Variants in POMGNT1 observed in about 807,000 individuals in gnomAD.
POMGNT1 encodes the protein protein O-linked mannose N-acetylglucosaminyltransferase 1 (beta 1,2-).
In POMGNT1, 67 loss-of-function variants were observed where a neutral mutation model predicts 95.6. The observed-to-expected ratio is 0.70, with a 90% CI of 0.58 to 0.86. The LOEUF is 0.86. Ranked by LOEUF, POMGNT1 falls within the 40% of genes least tolerant of loss-of-function variation. The pLI, the probability that POMGNT1 is intolerant of heterozygous loss-of-function variation, is 0.00. For missense variants in POMGNT1, 719 were observed against 855.2 expected (o/e 0.84, Z 1.99); for synonymous variants, 298 against 317.9 (o/e 0.94, Z 0.66).
chr1:46,193,461 A>T (rs562879716), intron 11 of POMGNT1, 73 bp from the exon 12 acceptor site: 84 of 1,607,920 alleles, frequency 5.2e-5, no homozygotes, highest in Non-Finnish European at 3.3e-5. Context: ...CAAGGCCTTC[A>T]CATTTCACAG....
At chr1:46,209,541 T>G (rs1200124306) in intron 1 of POMGNT1, among the ~76,000 whole-genome samples, 3 of 131,798 alleles carry the variant, frequency 2.3e-5, no homozygotes, top group Admixed American at 1.6e-4. Flanking sequence ...TGTTTTCTTT[T>G]TTTTTTTCTT....
chr1:46,198,533 CGGCGGCGGT>C (rs966546165), upstream of POMGNT1: 53 of 150,314 alleles, frequency 3.5e-4, no homozygotes, highest in Middle Eastern at 3.1e-3. Context: ...GCGGCGGCGG[CGGCGGCGGT>C]GGCGGCAGCG....
intron 1 of POMGNT1, among the ~76,000 whole-genome samples, chr1:46,204,238 C>T (rs1658642648): frequency 6.6e-6 from 1 of 152,208 alleles, no homozygotes; most frequent in African/African-American, 2.4e-5. Flanking sequence ...TCCCTCGCCT[C>T]AGACTCAGTC....
At chr1:46,213,888 C>A (rs1301314717) in intron 1 of POMGNT1, among the ~76,000 whole-genome samples, 2 of 152,000 alleles carry the variant, frequency 1.3e-5, no homozygotes, top group Middle Eastern at 3.4e-3. Context: ...GACTTTAGAC[C>A]TCCAATTAAA....
rs376973640 is a variant in POMGNT1, at chr1:46,189,565, G to C, written c.1788C>G (p.Cys596Trp). 1 of 1,610,420 alleles carries C rather than the reference G, an allele frequency of 6.2e-7. No homozygotes were observed. Among genetic ancestry groups the C allele is most frequent in the Non-Finnish European group, 8.5e-7 (1 of 1,178,154 alleles). Residue 596 changes from cysteine to tryptophan, a missense_variant and splice_region_variant, in exon 21 of 22, where the codon TGC (cysteine) becomes TGG (tryptophan). Physicochemically the swap from Cys to Trp is radical, Grantham distance 215 (BLOSUM62 -2). Coordinates refer to ENST00000371984, the MANE Select transcript of POMGNT1 (RefSeq NM_017739.4). ...GCACATCCAGGTCCCAGATATGGAGGCACTAGTGAGGGTGGGATGGAGACA... is the reference window on the plus strand; with the variant it reads ...GCACATCCAGGTCCCAGATATGGAGCCACTAGTGAGGGTGGGATGGAGACA... ...DFTTWTQLAK[C>W]LHIWDLDVRG...
Position 46,194,911 on chromosome 1 carries a change from G to A in POMGNT1, c.585C>T (p.Ser195=), listed in dbSNP as rs756578769. 1.2e-6 allele frequency: 2 copies of A among 1,614,018 alleles called. No homozygotes were observed. The stretch of plus-strand genomic sequence containing the variant: ...GGGCAGGGCCAGCCTGGCTGCCCAG[G>A]CTCCTCAGCAGAGCCTTGGCTGTGT... The part of the protein sequence containing the change: ...LKDTAKALLR[S]LGSQAGPALG... The change falls in exon 7 of 22, where the codon AGC becomes AGT. Residue 195 remains serine (S), a synonymous_variant. Coordinates refer to ENST00000371984, the MANE Select transcript of POMGNT1 (RefSeq NM_017739.4).
At chr1:46,197,978 A>T (rs1658374963) in intron 1 of POMGNT1, 107 bp from the exon 2 acceptor site, 1 of 1,111,822 alleles carries the variant, frequency 9.0e-7, no homozygotes, top group Non-Finnish European at 1.3e-6. Context: ...GCAAGCACCC[A>T]TACTGTGTGA....
chr1:46,198,739 G>C (rs1342287149), upstream of POMGNT1, among the ~76,000 whole-genome samples: 1 of 152,176 alleles, frequency 6.6e-6, no homozygotes, highest in Non-Finnish European at 1.5e-5. Flanking sequence ...GCCAGGGTCA[G>C]AGGGGCTGCA....
upstream of POMGNT1, among the ~76,000 whole-genome samples, chr1:46,202,934 T>TGTGTGG (rs1658590741): frequency 8.7e-6 from 1 of 115,350 alleles, no homozygotes; most frequent in Non-Finnish European, 1.7e-5. Flanking sequence ...TGTGTGTGTG[T>TGTGTGG]GTGTGTGTGT....
rs369925479 is a variant in POMGNT1 at position 46,193,136 on chromosome 1, C to T, written c.1152+38G>A. On this transcript the variant is annotated intron_variant, in intron 13 of 21. Transcript: ENST00000371984. The stretch of plus-strand genomic sequence containing the variant: ...GCCCAGACCTTATGCCCATGTTTCC[C>T]CCCTCCCAGGCCCAAGAGTTGTATC... The T allele has an allele frequency of 4.3e-5, 70 of 1,613,588 alleles. 1 individual carries two copies. The highest frequency in any genetic ancestry group is 5.2e-5 in the Non-Finnish European group (61 of 1,179,820).
Position 46,188,739 on chromosome 1 carries a change from G to A in POMGNT1, c.*531C>T, listed in dbSNP as rs769094628. 12 of 1,609,268 alleles carry A rather than the reference G, an allele frequency of 7.5e-6. No homozygotes were observed. In the African/African-American group the frequency reaches 8.0e-5, roughly 11 times the overall value. On this transcript the variant is annotated 3_prime_UTR_variant, in exon 22 of 22. Transcript: ENST00000371984. ...CCAACTTATCCAGCTTTGGAAATCT[G>A]GACAAAGAGAAGGCTGAGAGGAGGC...
At chr1:46,197,311 G>C (rs770149138) in intron 2 of POMGNT1, 1 of 1,491,180 alleles carries the variant, frequency 6.7e-7, no homozygotes, top group Non-Finnish European at 9.0e-7. Context: ...TCCCTACCCA[G>C]TGCTCCTGTA....
At position 46,196,182 on chromosome 1, in the gene POMGNT1, CTA is replaced by C; in HGVS notation, c.355-107_355-106del. 1.9e-6 allele frequency: 3 copies of C among 1,578,018 alleles called. No homozygotes were observed. The highest frequency in any genetic ancestry group is 2.6e-6 in the Non-Finnish European group (3 of 1,164,934). ...AGCTGCTTGAAACATCACCTCCTGC[CTA>C]TGTTTCTGTTCACACAGTTCTTTTC... On this transcript the variant is annotated intron_variant, in intron 4 of 21. Transcript: ENST00000371984. This position sits in a 1 kb window ranked among gnomAD's most constrained non-coding sequence, Gnocchi z 4.4.
rs367956985 is a variant in POMGNT1 at position 46,205,213 on chromosome 1, G to A, written c.-50-7342C>T. 6.6e-5 allele frequency among the ~76,000 whole-genome samples: 10 copies of A among 152,096 alleles called. No homozygotes were observed. The East Asian group carries it at 1.7e-3, about 26-fold the overall frequency. ...GAGGAGGTTGCAGTGAGCTGAAATC[G>A]CACCACTGCACTCCAGCCTGGGTGA... On this transcript the variant is annotated intron_variant, in intron 1 of 22. Transcript: ENST00000371992.
chr1:46,215,019 G>A (rs888354793), intron 1 of POMGNT1, among the ~76,000 whole-genome samples: 2 of 152,076 alleles, frequency 1.3e-5, no homozygotes, highest in Non-Finnish European at 2.9e-5. Flanking sequence ...AAGGTCAGGA[G>A]ATTGAAACCA....
intron 13 of POMGNT1, 93 bp downstream of exon 13, chr1:46,193,081 C>T (rs1557672864): frequency 2.5e-6 from 4 of 1,604,638 alleles, no homozygotes; most frequent in Non-Finnish European, 2.6e-6. Flanking sequence ...GGATGAGGCC[C>T]AGTGAGGGGA....
At position 46,193,100 on chromosome 1, in the gene POMGNT1, C is replaced by T. The variant is rs1657914523; in HGVS notation, c.1152+74G>A. The stretch of plus-strand genomic sequence containing the variant: ...GAGGCCCAGTGAGGGGAAGAGCTTG[C>T]CACGTAACAGGCCCAGACCTTATGC... On this transcript the variant is annotated intron_variant, in intron 13 of 21. Transcript: ENST00000371984. 1.9e-6 allele frequency: 3 copies of T among 1,608,746 alleles called. No individual in the cohort carries two copies. The African/African-American group carries it at 4.0e-5, about 21-fold the overall frequency.
chr1:46,215,219 C>G (rs1266230011), intron 1 of POMGNT1, among the ~76,000 whole-genome samples: 1 of 129,908 alleles, frequency 7.7e-6, no homozygotes, highest in Non-Finnish European at 1.6e-5. Flanking sequence ...CAACAAAACT[C>G]TGTCTCAAAA....
chr1:46,189,672 A>G (rs1250984845), intron 20 of POMGNT1, 105 bp from the exon 21 acceptor site: 11 of 1,550,622 alleles, frequency 7.1e-6, no homozygotes, highest in Non-Finnish European at 9.6e-6. Flanking sequence ...AAACCACCTC[A>G]ATTTGTAAGA....
Sources: allele counts gnomAD v4.1 joint callset (sites outside exome capture counted in the v4.1 genomes callset), GRCh38; gene constraint gnomAD v4.1.1; non-coding constraint Gnocchi (gnomAD v3.1); transcripts MANE v1.5; gene names NCBI Gene and HGNC (gene_info 2026-07-23, HGNC 2026-07-21).